The following GCN1 variants were observed in gnomAD, a reference collection of about 807,000 sequenced individuals.
The protein encoded by GCN1 is stalled ribosome sensor GCN1.
Under a neutral mutation model 288.4 loss-of-function variants are expected in GCN1, and 90 were observed. The ratio of observed to expected loss-of-function variants is 0.31; its 90% CI spans 0.26 to 0.37. The LOEUF (loss-of-function observed/expected upper bound fraction) is 0.37. GCN1 is among the 10% of genes least tolerant of loss of function. The pLI, the probability that GCN1 is intolerant of heterozygous loss-of-function variation, is 1.00. For missense variants in GCN1, 2,586 were observed against 3,419.9 expected (o/e 0.76, Z 6.08); for synonymous variants, 1,386 against 1,420.2 (o/e 0.98, Z 0.54).
chr12:120,185,951 T>C (rs1270472437), intron 2 of GCN1, among the ~76,000 whole-genome samples: 1 of 152,136 alleles, frequency 6.6e-6, no homozygotes, highest in Non-Finnish European at 1.5e-5. Context: ...AGCCAGCCAG[T>C]CAGAGTGAAA....
At chr12:120,154,782 T>C (rs1297799383) in intron 31 of GCN1, among the ~76,000 whole-genome samples, 188 bp downstream of exon 31, 1 of 152,196 alleles carries the variant, frequency 6.6e-6, no homozygotes, top group Non-Finnish European at 1.5e-5. Context: ...CAGAGGCTCT[T>C]CTGAAAGATG....
intron 1 of GCN1, among the ~76,000 whole-genome samples, chr12:120,194,295 C>G (rs1879098360): frequency 6.6e-6 from 1 of 152,248 alleles, no homozygotes; most frequent in Admixed American, 6.5e-5. Context: ...ATAGTAGGTG[C>G]TCAAAGAATA....
chr12:120,148,325 G>A lies in GCN1; in HGVS notation c.4568C>T (p.Ala1523Val), dbSNP rs773047567. 1 of 1,613,572 alleles carries A rather than the reference G, an allele frequency of 6.2e-7. No individual in the cohort carries two copies. Among genetic ancestry groups the A allele is most frequent in the Non-Finnish European group, 8.5e-7 (1 of 1,179,678 alleles). ...TKAGSVELLG[A>V]MAYCAPKQLS... ...CTGCTTAGGAGCACAGTACGCCATT[G>A]CCCCAAGAAGCTCCACTGACCCTGT... The change falls in exon 37 of 58, where the codon GCA (alanine) becomes GTA (valine). Residue 1523 changes from alanine (A) to valine (V), a missense_variant. Coordinates refer to ENST00000300648, the MANE Select transcript of GCN1 (RefSeq NM_006836.2).
At position 120,140,993 on chromosome 12, in the gene GCN1, G is replaced by T; in HGVS notation, c.5860C>A (p.Arg1954=). ...IAARTLGDLV[R]KLGEKILPEI... Reference sequence around the variant, plus strand: ...GGGAGGATTTTCTCCCCTAACTTCCGCACAAGATCTCCCAATGTTCTCGCT... The same window carrying T: ...GGGAGGATTTTCTCCCCTAACTTCCTCACAAGATCTCCCAATGTTCTCGCT... Residue 1954 remains arginine (R), a synonymous_variant, in exon 45 of 58, where the codon CGG becomes AGG. Transcript: ENST00000300648. 1 of 1,613,652 alleles carries T rather than the reference G, an allele frequency of 6.2e-7. No individual in the cohort carries two copies. The highest frequency in any genetic ancestry group is 8.5e-7 in the Non-Finnish European group (1 of 1,179,808).
intron 15 of GCN1, among the ~76,000 whole-genome samples, chr12:120,169,446 G>A (rs750204046): frequency 4.7e-5 from 7 of 150,520 alleles, no homozygotes; most frequent in East Asian, 1.9e-4. Flanking sequence ...GGCATATAGC[G>A]TATGTTCCCC....
chr12:120,151,291 G>T lies in GCN1; in HGVS notation c.4163C>A (p.Ser1388Ter). The T allele has an allele frequency of 6.2e-7, 1 of 1,614,160 alleles. No individual in the cohort carries two copies. Among genetic ancestry groups the T allele is most frequent in the South Asian group, 1.1e-5 (1 of 91,076 alleles). ...CCCTTTGCGCTCTGCGTACTTGTCT[G>T]ACTCCAGCAGCTGCTGCATAAGCCT... ...IQRLMQQLLE[S>*]DKYAERKGAA... The change falls in exon 34 of 58, where the codon TCA becomes TAA. Residue 1388 changes from serine (S) to a stop codon, truncating the protein, a stop_gained. Coordinates refer to ENST00000300648, the MANE Select transcript of GCN1 (RefSeq NM_006836.2). LOFTEE classifies it high-confidence loss of function.
At chr12:120,184,298 G>A in intron 3 of GCN1, 55 bp from the exon 4 acceptor site, 5 of 1,541,244 alleles carry the variant, frequency 3.2e-6, no homozygotes, top group Non-Finnish European at 4.4e-6. Context: ...CAGAGGCAGG[G>A]GCAAGGCTGC....
intron 42 of GCN1, 147 bp from the exon 43 acceptor site, chr12:120,143,088 T>C (rs534884667): frequency 2.2e-4 from 119 of 535,086 alleles, no homozygotes; most frequent in Non-Finnish European, 3.4e-4. Flanking sequence ...TTTACATTTC[T>C]TTACACTCGC....
In GCN1 at chr12:120,147,335, C is replaced by T. The variant is rs920190972; in HGVS notation, c.4727-63G>A. The T allele has an allele frequency of 6.9e-6, 6 of 869,800 alleles. No individual in the cohort carries two copies. In the African/African-American group the frequency reaches 8.4e-5, roughly 12 times the overall value. 53.9% of individuals were successfully genotyped at this position (869,800 alleles called of 1,614,324 possible). On this transcript the variant is annotated intron_variant, in intron 37 of 57. Transcript: ENST00000300648. ...TCTATGCAGCTGCAAGGCCCCTGGG[C>T]CCCCAGAACTAGAATGGATCAGAAG...
At position 120,129,337 on chromosome 12, in the gene GCN1, G is replaced by A; in HGVS notation, c.7829C>T (p.Ala2610Val). 2.5e-6 allele frequency: 4 copies of A among 1,614,120 alleles called. No homozygotes were observed. Among genetic ancestry groups the A allele is most frequent in the Non-Finnish European group, 3.4e-6 (4 of 1,180,026 alleles). ...GTTGACAATTGCCTGGTCGCTGTAG[G>A]CCCTGACCACGGTGTTCTTATCCTT... The part of the protein sequence containing the change: ...NTKDKNTVVR[A>V]YSDQAIVNLL... Residue 2610 changes from alanine (A) to valine (V), a missense_variant, in exon 57 of 58, where the codon GCC becomes GTC. By Grantham distance (64) the Ala-to-Val change is moderately conservative. Transcript: ENST00000300648.
chr12:120,182,380 G>T (rs1438122396), intron 5 of GCN1, among the ~76,000 whole-genome samples: 1 of 152,082 alleles, frequency 6.6e-6, no homozygotes. Context: ...CCAGAGGTGC[G>T]CTGGATAAGC....
At chr12:120,131,715 C>T (rs1278162671) in intron 54 of GCN1, among the ~76,000 whole-genome samples, 2 of 152,178 alleles carry the variant, frequency 1.3e-5, no homozygotes, top group Non-Finnish European at 2.9e-5. Context: ...TTGGGCTCAA[C>T]TGATCCTCCC....
At chr12:120,147,912 T>G (rs1251195921) in intron 37 of GCN1, among the ~76,000 whole-genome samples, 1 of 152,208 alleles carries the variant, frequency 6.6e-6, no homozygotes, top group Admixed American at 6.5e-5. Context: ...TCACAGGTCC[T>G]AACATTTTGA....
In GCN1 at chr12:120,162,023, C is replaced by G; in HGVS notation, c.2199G>C (p.Leu733=). Residue 733 remains leucine (L), a synonymous_variant, in exon 21 of 58, where the codon CTG becomes CTC. Transcript: ENST00000300648. The part of the protein sequence containing the change: ...SMNAMGSLSV[L]SPDRVLPQLI... Reference sequence around the variant, plus strand: ...GCTGTGGGAGGACCCGGTCCGGCGACAGGACGGAAAGGGAGCCCATGGCAT... The same window carrying G: ...GCTGTGGGAGGACCCGGTCCGGCGAGAGGACGGAAAGGGAGCCCATGGCAT... 6.2e-7 allele frequency: 1 copy of G among 1,613,506 alleles called. No individual in the cohort carries two copies. The highest frequency in any genetic ancestry group is 8.5e-7 in the Non-Finnish European group (1 of 1,180,032).
chr12:120,145,215 G>A (rs757312083), intron 39 of GCN1, 47 bp downstream of exon 39: 2 of 1,549,352 alleles, frequency 1.3e-6, no homozygotes, highest in Non-Finnish European at 8.8e-7. Context: ...CATTTATGGG[G>A]ACTGGATGAG....
chr12:120,131,174 G>A lies in GCN1; in HGVS notation c.7563+11C>T, dbSNP rs368379053. Reference sequence around the variant, plus strand: ...GGCCTATGCCTATGGGATATGGCCCGAATGCCTTACCCTGTCCGCCGTGGC... The same window carrying A: ...GGCCTATGCCTATGGGATATGGCCCAAATGCCTTACCCTGTCCGCCGTGGC... On this transcript the variant is annotated intron_variant, in intron 55 of 57. Transcript: ENST00000300648. The A allele has an allele frequency of 1.3e-5, 21 of 1,613,158 alleles. No homozygotes were observed. The highest frequency in any genetic ancestry group is 1.6e-4 in the Middle Eastern group (1 of 6,082).
At chr12:120,139,390 G>A (rs1877117876) in intron 45 of GCN1, among the ~76,000 whole-genome samples, 1 of 152,152 alleles carries the variant, frequency 6.6e-6, no homozygotes, top group Admixed American at 6.6e-5. Context: ...ACTTTGGGAG[G>A]TGGAGGCAAG....
intron 1 of GCN1, among the ~76,000 whole-genome samples, chr12:120,190,880 T>A (rs1463119484): frequency 1.3e-5 from 2 of 152,138 alleles, no homozygotes; most frequent in Non-Finnish European, 1.5e-5. Context: ...AATGTCAGCA[T>A]CCTGGCAACT....
rs1397020113 is a variant in GCN1, at chr12:120,153,900, C to A, written c.3711G>T (p.Leu1237Phe). 1 of 1,613,432 alleles carries A rather than the reference C, an allele frequency of 6.2e-7. No individual in the cohort carries two copies. The highest frequency in any genetic ancestry group is 8.5e-7 in the Non-Finnish European group (1 of 1,179,618). The change falls in exon 32 of 58, where the codon TTG becomes TTT. Residue 1237 changes from leucine (L) to phenylalanine (F), a missense_variant. By Grantham distance (22) the Leu-to-Phe change is conservative. Coordinates refer to ENST00000300648, the MANE Select transcript of GCN1 (RefSeq NM_006836.2). The surrounding 1 kb of genome is among the most constrained non-coding windows in gnomAD (Gnocchi z 4.4). ...GGGAGAGCTTGTTGAGGGCCAACGC[C>A]AAGCCACACCTGGGAAAGAAGTGGG... The part of the protein sequence containing the change: ...PPDQWEARCG[L>F]ALALNKLSQY...
Sources: gnomAD v4.1 joint callset for allele counts (sites outside exome capture counted in the v4.1 genomes callset) on GRCh38, gnomAD v4.1.1 for gene constraint, Gnocchi (gnomAD v3.1) non-coding constraint, MANE v1.5 for transcripts, NCBI Gene and HGNC (gene_info 2026-07-23, HGNC 2026-07-21) for gene names.